Variants in NCK2 observed in about 807,000 individuals in gnomAD.
The protein encoded by NCK2 is cytoplasmic protein NCK2.
NCK2 carries 16 observed loss-of-function variants against 33.9 expected under a neutral mutation model. The observed-to-expected ratio is 0.47, with a 90% CI of 0.32 to 0.72. The LOEUF is 0.72. NCK2 is among the 30% of genes least tolerant of loss of function. The pLI is 0.03. For missense variants in NCK2, 418 were observed against 537.3 expected, an observed-to-expected ratio of 0.78 and a Z score of 2.19; for synonymous variants, 273 against 239.9, an observed-to-expected ratio of 1.14 and a Z score of -1.27.
At chr2:105,750,466 C>A (rs954664537) in intron 1 of NCK2, among the ~76,000 whole-genome samples, 2 of 152,184 alleles carry the variant, frequency 1.3e-5, no homozygotes, top group Non-Finnish European at 2.9e-5. Context: ...CTAGGTTCCA[C>A]AACAGGGCTG....
At chr2:105,757,569 T>C (rs56051993) in intron 1 of NCK2, among the ~76,000 whole-genome samples, 8,388 of 152,230 alleles carry the variant, frequency 0.055, 304 homozygotes, top group South Asian at 0.12. Flanking sequence ...CATACCTACA[T>C]AGGACCAGCC....
At chr2:105,826,411 C>T (rs1040323179) in intron 2 of NCK2, among the ~76,000 whole-genome samples, 3 of 152,116 alleles carry the variant, frequency 2.0e-5, no homozygotes, top group Admixed American at 6.5e-5. Context: ...CACCACCCTT[C>T]GAGGACCAAT....
At chr2:105,877,892 A>G (rs1250372829) in intron 3 of NCK2, among the ~76,000 whole-genome samples, 3 of 152,166 alleles carry the variant, frequency 2.0e-5, no homozygotes, top group Non-Finnish European at 2.9e-5. Flanking sequence ...ATTTCCACAA[A>G]TTAAGAAGTT....
chr2:105,859,648 G>A (rs1159686158), intron 3 of NCK2, among the ~76,000 whole-genome samples: 1 of 152,254 alleles, frequency 6.6e-6, no homozygotes, highest in Admixed American at 6.5e-5. Flanking sequence ...GCACCCGTGG[G>A]TGAAATTGAC....
chr2:105,859,457 A>G (rs1677428815), intron 3 of NCK2, among the ~76,000 whole-genome samples: 1 of 152,236 alleles, frequency 6.6e-6, no homozygotes, highest in African/African-American at 2.4e-5. Flanking sequence ...ATTCCTCCCA[A>G]CAGGACCACA....
chr2:105,853,834 G>C (rs941791448), intron 2 of NCK2: 1 of 152,186 alleles, frequency 6.6e-6, no homozygotes, highest in Non-Finnish European at 1.5e-5. Context: ...GGGGTGGAGC[G>C]TGGGGATTCT....
At chr2:105,744,822 A>AGGAAGAGCGCGGAGGAGGC (rs1689206130), upstream of NCK2, 1 of 154,812 alleles carries the variant, frequency 6.5e-6, no homozygotes, top group Admixed American at 6.7e-5. Flanking sequence ...CGGGAGGAGG[A>AGGAAGAGCGCGGAGGAGGC]GGAAGAGCGC....
intron 2 of NCK2, among the ~76,000 whole-genome samples, chr2:105,835,420 T>TAC (rs1676388398): frequency 7.5e-6 from 1 of 133,242 alleles, no homozygotes; most frequent in Non-Finnish European, 1.6e-5. Context: ...TATATATATA[T>TAC]ATATTTTTTT....
At chr2:105,882,119 G>C in intron 4 of NCK2, 70 bp downstream of exon 4, 1 of 1,405,926 alleles carries the variant, frequency 7.1e-7, no homozygotes, top group Non-Finnish European at 9.3e-7. Context: ...TCTGTGTGCC[G>C]CGCCCTTTTC....
At chr2:105,877,004 G>A (rs1038966109) in intron 3 of NCK2, among the ~76,000 whole-genome samples, 7 of 152,086 alleles carry the variant, frequency 4.6e-5, no homozygotes, top group African/African-American at 1.7e-4. Flanking sequence ...GAGATGTCCC[G>A]GCTGCCACCT....
intron 4 of NCK2, 107 bp downstream of exon 4, chr2:105,882,156 C>T (rs917003889): frequency 4.9e-6 from 6 of 1,233,836 alleles, no homozygotes; most frequent in Non-Finnish European, 6.2e-6. Flanking sequence ...CTAGAAAGAG[C>T]GGGAGACGCA....
chr2:105,761,091 A>T (rs1320007479), intron 1 of NCK2, among the ~76,000 whole-genome samples: 1 of 152,236 alleles, frequency 6.6e-6, no homozygotes, highest in South Asian at 2.1e-4. Context: ...TTCTCCTCTC[A>T]TAGATGGGGG....
intron 1 of NCK2, among the ~76,000 whole-genome samples, chr2:105,790,674 C>T (rs986064947): frequency 1.5e-4 from 23 of 152,210 alleles, no homozygotes; most frequent in Admixed American, 1.3e-4. Context: ...GCCCTTAGTG[C>T]CTCCTTCCTC....
At chr2:105,794,734 G>A (rs997663783) in intron 1 of NCK2, among the ~76,000 whole-genome samples, 13 of 150,538 alleles carry the variant, frequency 8.6e-5, no homozygotes, top group African/African-American at 2.2e-4. Context: ...TTTTTGAGAC[G>A]GAGTCTTGCT....
At chr2:105,892,913 G>T in intron 4 of NCK2, 69 bp from the exon 5 acceptor site, 2 of 1,316,274 alleles carry the variant, frequency 1.5e-6, no homozygotes, top group East Asian at 2.3e-5. Flanking sequence ...ACGCACAAGA[G>T]ATGTGGATGG....
intron 1 of NCK2, among the ~76,000 whole-genome samples, chr2:105,790,481 C>T (rs1214100257): frequency 6.6e-6 from 1 of 152,216 alleles, no homozygotes; most frequent in Non-Finnish European, 1.5e-5. Context: ...GGGAGCCCGG[C>T]CACCCCCGCC....
At chr2:105,752,254 T>C (rs1689476923) in intron 1 of NCK2, among the ~76,000 whole-genome samples, 2 of 152,202 alleles carry the variant, frequency 1.3e-5, no homozygotes, top group Admixed American at 6.5e-5. Flanking sequence ...GTGGAAACAA[T>C]GTAGAATAAT....
At chr2:105,776,333 A>G (rs1690299890) in intron 1 of NCK2, among the ~76,000 whole-genome samples, 1 of 152,214 alleles carries the variant, frequency 6.6e-6, no homozygotes, top group Non-Finnish European at 1.5e-5. Flanking sequence ...TAACATTTCA[A>G]CATCTTCTGG....
At chr2:105,858,215 A>G (rs1196345252) in intron 3 of NCK2, among the ~76,000 whole-genome samples, 1 of 152,078 alleles carries the variant, frequency 6.6e-6, no homozygotes, top group Non-Finnish European at 1.5e-5. Flanking sequence ...TTAGGCATGG[A>G]AACAGCATCA....
Sources: gnomAD v4.1 joint callset for allele counts (sites outside exome capture counted in the v4.1 genomes callset) on GRCh38, gnomAD v4.1.1 for gene constraint, MANE v1.5 for transcripts, NCBI Gene and HGNC (gene_info 2026-07-23, HGNC 2026-07-21) for gene names.